Variants in CSMD2 observed in about 807,000 individuals in gnomAD.
CSMD2 encodes CUB and Sushi multiple domains 2.
Under a neutral mutation model 398.5 loss-of-function variants are expected in CSMD2, and 130 were observed. The ratio of observed to expected loss-of-function variants is 0.33; its 90% CI spans 0.28 to 0.38. The LOEUF is 0.38. Ranked by LOEUF, CSMD2 falls within the 10% of genes least tolerant of loss-of-function variation. CSMD2 has a pLI of 1.00. For missense variants in CSMD2, 3,829 were observed against 4,764.9 expected, an observed-to-expected ratio of 0.80 and a Z score of 5.78; for synonymous variants, 1,828 against 1,908.5, an observed-to-expected ratio of 0.96 and a Z score of 1.10.
At chr1:33,693,595 T>A (rs1028241517) in intron 24 of CSMD2, among the ~76,000 whole-genome samples, 1 of 152,204 alleles carries the variant, frequency 6.6e-6, no homozygotes, top group Non-Finnish European at 1.5e-5. Context: ...CTTAGGCATA[T>A]ACCCAAGATA....
chr1:33,603,609 G>A (rs1640380445), intron 42 of CSMD2, among the ~76,000 whole-genome samples: 1 of 152,204 alleles, frequency 6.6e-6, no homozygotes, highest in Admixed American at 6.5e-5. Context: ...CATGGCCTGG[G>A]AGACAGTGGG....
At chr1:33,550,132 T>C (rs1033576844) in intron 56 of CSMD2, 45 bp downstream of exon 56, 1 of 1,584,670 alleles carries the variant, frequency 6.3e-7, no homozygotes, top group Non-Finnish European at 8.6e-7. Context: ...CTCCCATCAG[T>C]CAAGCATTCC....
chr1:33,918,419 GTGGACATAGA>G (rs1643834962), intron 4 of CSMD2, 118 bp from the exon 5 acceptor site: 11 of 824,672 alleles, frequency 1.3e-5, no homozygotes, highest in Admixed American at 2.5e-5. Flanking sequence ...TTCACAGTTT[GTGGACATAGA>G]TAAAGCAGCA....
intron 14 of CSMD2, among the ~76,000 whole-genome samples, chr1:33,742,307 T>C (rs1187063989): frequency 1.3e-5 from 2 of 152,122 alleles, no homozygotes; most frequent in Non-Finnish European, 2.9e-5. Flanking sequence ...CAGAGATAGG[T>C]GGAAAACGGA....
Position 33,726,647 on chromosome 1 carries a change from T to G in CSMD2, c.2407A>C (p.Ile803Leu), listed in dbSNP as rs1448141891. 1 of 1,612,990 alleles carries G rather than the reference T, an allele frequency of 6.2e-7. No homozygotes were observed. The highest frequency in any genetic ancestry group is 8.5e-7 in the Non-Finnish European group (1 of 1,179,916). ...AAGCCAGGCCAGCCCGGAGAGAGGA[T>G]GGTGCCGCTGGGCGAAGTCAGGTGA... Reference protein sequence around the residue: ...GGHLTSPSGTILSPGWPGFYK... With the variant: ...GGHLTSPSGTLLSPGWPGFYK... Residue 803 changes from isoleucine to leucine, a missense_variant, in exon 16 of 71, where the codon ATC becomes CTC. Around this residue, in one of 5 missense-constraint regions of CSMD2, gnomAD observed 2,001 missense variants for 2,567.1 expected, o/e 0.78. Transcript: ENST00000373381.
chr1:33,774,107 T>TTGTGTGTG (rs61454614), intron 12 of CSMD2, among the ~76,000 whole-genome samples: 66 of 141,716 alleles, frequency 4.7e-4, no homozygotes, highest in African/African-American at 1.3e-3. Context: ...ATGGCTGGGA[T>TTGTGTGTG]TGTGTGTGTG....
At chr1:34,140,317 C>CATACA (rs1639161713) in intron 1 of CSMD2, among the ~76,000 whole-genome samples, 1 of 137,766 alleles carries the variant, frequency 7.3e-6, no homozygotes. Context: ...AACAAACAAA[C>CATACA]AAAAAAAAAC....
chr1:34,036,104 T>C (rs1241163388), intron 2 of CSMD2, among the ~76,000 whole-genome samples: 1 of 152,130 alleles, frequency 6.6e-6, no homozygotes, highest in Non-Finnish European at 1.5e-5. Context: ...TGGTAAATAG[T>C]TTGGCAGTTT....
intron 15 of CSMD2, among the ~76,000 whole-genome samples, chr1:33,737,187 T>C (rs1646913186): frequency 6.6e-6 from 1 of 152,236 alleles, no homozygotes; most frequent in African/African-American, 2.4e-5. Context: ...GCATGGAGAC[T>C]GAGTTTCGTG....
chr1:33,728,209 CA>C (rs1284729164), intron 15 of CSMD2, among the ~76,000 whole-genome samples: 1 of 152,080 alleles, frequency 6.6e-6, no homozygotes, highest in Non-Finnish European at 1.5e-5. Flanking sequence ...TATCAGATGC[CA>C]AAAATTCCCT....
intron 3 of CSMD2, among the ~76,000 whole-genome samples, chr1:33,990,479 A>G (rs1360234307): frequency 6.6e-6 from 1 of 151,220 alleles, no homozygotes; most frequent in South Asian, 2.1e-4. Context: ...GAAACACATT[A>G]CTCTCCCCTC....
upstream of CSMD2, chr1:34,165,320 G>T: frequency 8.3e-7 from 1 of 1,199,808 alleles, no homozygotes. Flanking sequence ...CGCGCCGGGG[G>T]GCGGGAGGGG....
chr1:33,797,774 C>G (rs1251346562), intron 10 of CSMD2, among the ~76,000 whole-genome samples: 1 of 152,158 alleles, frequency 6.6e-6, no homozygotes, highest in Admixed American at 6.5e-5. Context: ...GACTGAGGGG[C>G]CCGGCTGCAT....
intron 10 of CSMD2, among the ~76,000 whole-genome samples, chr1:33,795,190 G>A (rs889506918): frequency 2.6e-5 from 4 of 152,168 alleles, no homozygotes; most frequent in Admixed American, 1.3e-4. Context: ...CTGCAGCAAC[G>A]TCTAGGTGAG....
intron 3 of CSMD2, among the ~76,000 whole-genome samples, chr1:34,007,223 G>A (rs541370199): frequency 6.6e-6 from 1 of 152,210 alleles, no homozygotes; most frequent in African/African-American, 2.4e-5. Flanking sequence ...CAGCCTCATG[G>A]AAGTGACCTC....
In CSMD2 at chr1:33,819,604, G is replaced by A. The variant is rs553107563; in HGVS notation, c.1324+109C>T. The A allele has an allele frequency of 1.5e-3, 1,420 of 932,764 alleles. 2 individuals carry two copies. The highest frequency in any genetic ancestry group is 1.9e-3 in the Non-Finnish European group (1,152 of 612,332). 57.8% of individuals were successfully genotyped at this position (932,764 alleles called of 1,614,324 possible). A position where few individuals can be genotyped will look rare whatever the true frequency, so the allele number is the denominator to read the frequency against. On this transcript the variant is annotated intron_variant, in intron 9 of 70. Transcript: ENST00000373381. ...ATAAGTGCAGGGAGTGAGGGGGGAG[G>A]GGAGCCAGTCTGCTTGAGAGCCTGG...
chr1:34,100,638 T>C (rs1659847542), intron 1 of CSMD2, among the ~76,000 whole-genome samples: 3 of 152,232 alleles, frequency 2.0e-5, no homozygotes, highest in Non-Finnish European at 2.9e-5. Context: ...CCTAAGATAC[T>C]GAATCTGTTC....
chr1:33,942,596 T>C (rs74069870), intron 3 of CSMD2, among the ~76,000 whole-genome samples: 3,839 of 152,348 alleles, frequency 0.025, 57 homozygotes, highest in South Asian at 0.047. Flanking sequence ...TTCAGCATCA[T>C]GGTTATGTGG....
chr1:33,984,518 G>A (rs1283760660), intron 3 of CSMD2, among the ~76,000 whole-genome samples: 1 of 152,176 alleles, frequency 6.6e-6, no homozygotes, highest in East Asian at 1.9e-4. Flanking sequence ...AGAAATCTTG[G>A]TCTGGGTGCA....
Sources: gnomAD v4.1 joint callset for allele counts (sites outside exome capture counted in the v4.1 genomes callset) on GRCh38, gnomAD v4.1.1 for gene constraint, gnomAD v4.1.1 regional missense constraint, MANE v1.5 for transcripts, NCBI Gene and HGNC (gene_info 2026-07-23, HGNC 2026-07-21) for gene names.